C5: variants seen among roughly 807,000 people sequenced by gnomAD.
C5 encodes C3 and PZP-like alpha-2-macroglobulin domain-containing protein 4.
A neutral mutation model predicts 218.8 loss-of-function variants in C5; 140 were observed. That is an observed-to-expected ratio of 0.64 (90% CI 0.56 to 0.74). The LOEUF (loss-of-function observed/expected upper bound fraction) is 0.74. C5 is among the 30% of genes least tolerant of loss of function. The pLI is 0.00. For synonymous variants in C5, 614 were observed against 682.3 expected (o/e 0.90, Z 1.56); for missense variants, 1,700 against 1,969.6 (o/e 0.86, Z 2.59).
intron 34 of C5, 63 bp from the exon 35 acceptor site, chr9:120,963,030 C>T (rs2046839126): frequency 8.2e-7 from 1 of 1,221,358 alleles, no homozygotes; most frequent in Non-Finnish European, 1.2e-6. Flanking sequence ...AATGCATTCA[C>T]CTGTTGATGA....
chr9:121,063,482 T>G, the C5 span, among the ~76,000 whole-genome samples: 1 of 152,124 alleles, frequency 6.6e-6, no homozygotes, highest in Non-Finnish European at 1.5e-5. Flanking sequence ...ACTGAAAATA[T>G]CTCACGTAAA....
At chr9:121,058,264 GTAAAC>G in the C5 span, among the ~76,000 whole-genome samples, 1 of 152,266 alleles carries the variant, frequency 6.6e-6, no homozygotes, top group Non-Finnish European at 1.5e-5. Flanking sequence ...TTACCAATGA[GTAAAC>G]TAAGGCTCAG....
the C5 span, among the ~76,000 whole-genome samples, chr9:121,072,812 TAAAAAAA>T: frequency 1.0e-5 from 1 of 98,606 alleles, no homozygotes; most frequent in Non-Finnish European, 2.2e-5. Flanking sequence ...TTCAAAAAAT[TAAAAAAA>T]AAAAAAAAAA....
intron 3 of C5, 115 bp downstream of exon 3, chr9:121,042,889 G>C (rs992219571): frequency 2.3e-5 from 18 of 795,308 alleles, no homozygotes; most frequent in Admixed American, 4.4e-5. Context: ...AGAGTCTTTT[G>C]AGCAAATTAA....
At chr9:121,009,841 T>C (rs2047247206) in intron 17 of C5, among the ~76,000 whole-genome samples, 1 of 152,134 alleles carries the variant, frequency 6.6e-6, no homozygotes, top group African/African-American at 2.4e-5. Context: ...ATCTCTGTGT[T>C]GGGAGAGGGA....
chr9:120,973,965 C>T (rs1257436498), intron 30 of C5, among the ~76,000 whole-genome samples: 2 of 147,320 alleles, frequency 1.4e-5, no homozygotes, highest in Admixed American at 1.3e-4. Flanking sequence ...AAGAGCGAAA[C>T]TCCATCTCAA....
At chr9:120,953,908 G>C in intron 39 of C5, 40 bp from the exon 40 acceptor site, 1 of 1,607,886 alleles carries the variant, frequency 6.2e-7, no homozygotes, top group Non-Finnish European at 8.5e-7. Context: ...TACCATTCAT[G>C]TTTTAATGTC....
At position 120,968,939 on chromosome 9, in the gene C5, T is replaced by C. The variant is rs577764406; in HGVS notation, c.4220+122A>G. 533 of 831,784 alleles carry C rather than the reference T, an allele frequency of 6.4e-4. 1 individual carries two copies. The highest frequency in any genetic ancestry group is 8.2e-4 in the Non-Finnish European group (395 of 478,972). The allele number at this position is 831,784 out of a possible 1,614,324, so 51.5% of individuals were successfully genotyped here. A position where few individuals can be genotyped will look rare whatever the true frequency, so the allele number is the denominator to read the frequency against. On this transcript the variant is annotated intron_variant, in intron 33 of 40. Transcript: ENST00000223642. The stretch of plus-strand genomic sequence containing the variant: ...TAAGAATATATATGTTCTGCATTTT[T>C]AAACAATTGAACAATTTTGTATCTT...
intron 30 of C5, 94 bp from the exon 31 acceptor site, chr9:120,972,086 C>G: frequency 2.1e-6 from 2 of 945,962 alleles, no homozygotes; most frequent in Non-Finnish European, 3.4e-6. Context: ...CATGTACCAG[C>G]CTCCTCTCTC....
chr9:121,058,743 T>A, the C5 span, among the ~76,000 whole-genome samples: 1 of 152,250 alleles, frequency 6.6e-6, no homozygotes, highest in Non-Finnish European at 1.5e-5. Flanking sequence ...CCGGCCTTTT[T>A]TGTCTGTAAC....
At chr9:121,053,362 A>G (rs964639224), upstream of C5, among the ~76,000 whole-genome samples, 1 of 152,196 alleles carries the variant, frequency 6.6e-6, no homozygotes, top group Non-Finnish European at 1.5e-5. Context: ...CTGAAATCCA[A>G]AAAGAACTAC....
At chr9:120,984,434 T>C (rs1468937691) in intron 25 of C5, among the ~76,000 whole-genome samples, 3 of 152,280 alleles carry the variant, frequency 2.0e-5, no homozygotes, top group African/African-American at 2.4e-5. Flanking sequence ...TTGGCCCACA[T>C]TTTACATTGG....
intron 30 of C5, among the ~76,000 whole-genome samples, chr9:120,972,986 C>T: frequency 6.6e-6 from 1 of 152,134 alleles, no homozygotes; most frequent in East Asian, 1.9e-4. Context: ...TGCCTCTGCC[C>T]CTTTTCACAC....
intron 39 of C5, among the ~76,000 whole-genome samples, chr9:120,956,336 C>T (rs888182063): frequency 6.6e-6 from 1 of 151,800 alleles, no homozygotes; most frequent in African/African-American, 2.4e-5. Flanking sequence ...CACACACACA[C>T]AAAAATGCCT....
chr9:121,059,801 T>C, the C5 span, among the ~76,000 whole-genome samples: 3 of 152,258 alleles, frequency 2.0e-5, no homozygotes, highest in Non-Finnish European at 2.9e-5. This position sits in a 1 kb window ranked among gnomAD's most constrained non-coding sequence, Gnocchi z 4.1. Context: ...AGGAAGCCTA[T>C]GGAGAAGCCC....
chr9:120,986,515 G>C (rs184569411), intron 25 of C5, among the ~76,000 whole-genome samples: 1 of 151,992 alleles, frequency 6.6e-6, no homozygotes, highest in Non-Finnish European at 1.5e-5. Flanking sequence ...TTTCTTCTAT[G>C]TCTATTATTT....
intron 7 of C5, among the ~76,000 whole-genome samples, chr9:121,029,027 A>G (rs995840102): frequency 6.6e-5 from 10 of 152,128 alleles, no homozygotes; most frequent in African/African-American, 2.4e-4. Context: ...GTTTTCTTTT[A>G]TGTTTTTAAA....
Position 120,986,704 on chromosome 9 carries a change from C to G in C5, c.3230+2342G>C, listed in dbSNP as rs144741455. Among the ~76,000 whole-genome samples the G allele has an allele frequency of 5.1e-3, 766 of 151,070 alleles. 5 individuals carry two copies. The highest frequency in any genetic ancestry group is 0.011 in the South Asian group (53 of 4,830). Reference sequence around the variant, plus strand: ...GTCTTCATTGACACTCACTCCCACTCCTGCATCCTGGGTTATCCTCTGGTT... The same window carrying G: ...GTCTTCATTGACACTCACTCCCACTGCTGCATCCTGGGTTATCCTCTGGTT... On this transcript the variant is annotated intron_variant, in intron 25 of 40. Transcript: ENST00000223642.
intron 2 of C5, among the ~76,000 whole-genome samples, chr9:121,045,062 G>A (rs1415528785): frequency 6.7e-6 from 1 of 149,966 alleles, no homozygotes; most frequent in Non-Finnish European, 1.5e-5. Flanking sequence ...CGATTCTCCT[G>A]CCTCAGTCTC....
Sources: allele counts gnomAD v4.1 joint callset (sites outside exome capture counted in the v4.1 genomes callset), GRCh38; gene constraint gnomAD v4.1.1; non-coding constraint Gnocchi (gnomAD v3.1); transcripts MANE v1.5; gene names NCBI Gene and HGNC (gene_info 2026-07-23, HGNC 2026-07-21).